HSD11B2: variants seen among roughly 807,000 people sequenced by gnomAD.
The protein encoded by HSD11B2 is hydroxysteroid 11-beta dehydrogenase 2.
A neutral mutation model predicts 20.9 loss-of-function variants in HSD11B2; 17 were observed. The ratio of observed to expected loss-of-function variants is 0.81; its 90% confidence interval spans 0.56 to 1.22. HSD11B2 has a LOEUF of 1.22. Ranked by LOEUF, HSD11B2 falls within the 50% of genes most tolerant of loss-of-function variation. The pLI is 0.00. For missense variants in HSD11B2, 480 were observed against 563.6 expected (o/e 0.85, Z 1.50); for synonymous variants, 253 against 255.4 (o/e 0.99, Z 0.09).
chr16:67,435,611 T>G lies in HSD11B2; in HGVS notation c.266-17T>G. The G allele has an allele frequency of 1.2e-6, 2 of 1,606,062 alleles. No homozygotes were observed. The highest frequency in any genetic ancestry group is 8.5e-7 in the Non-Finnish European group (1 of 1,174,076). ...TGGGCCACAGTGGAAGTTCACTGAC[T>G]GCCCTGGCCTGGCCAGGCTGTGACT... is the stretch of plus-strand genomic sequence containing the variant. On this transcript the variant is annotated splice_polypyrimidine_tract_variant and intron_variant, in intron 1 of 4. Transcript: ENST00000326152.
chr16:67,436,561 ACT>A lies in HSD11B2; in HGVS notation c.803-24_803-23del. The A allele has an allele frequency of 6.2e-7, 1 of 1,613,554 alleles. No homozygotes were observed. The highest frequency in any genetic ancestry group is 1.3e-5 in the African/African-American group (1 of 74,990). ...GGCTTTGGCTCCCCTAGCTGATCCC[ACT>A]CTGACCTTGCCACTCCTTCCCCAGA... On this transcript the variant is annotated intron_variant, in intron 4 of 4. Coordinates refer to ENST00000326152, the MANE Select transcript of HSD11B2 (RefSeq NM_000196.4). The surrounding 1 kb of genome is among the most constrained non-coding windows in gnomAD (Gnocchi z 5.7).
rs2040979632 is a variant in HSD11B2, at chr16:67,436,829, C to T, written c.1044C>T (p.Tyr348=). 1 of 1,613,762 alleles carries T rather than the reference C, an allele frequency of 6.2e-7. No individual in the cohort carries two copies. Among genetic ancestry groups the T allele is most frequent in the South Asian group, 1.1e-5 (1 of 91,088 alleles). Residue 348 remains tyrosine (Y), a synonymous_variant, in exon 5 of 5, where the codon TAC becomes TAT. Transcript: ENST00000326152. This position sits in a 1 kb window ranked among gnomAD's most constrained non-coding sequence, Gnocchi z 5.7. ...YYPGQGLGLM[Y]FIHYYLPEGL... is the part of the protein sequence containing the mutation. ...CCGGCCAGGGCCTGGGGCTCATGTACTTCATCCACTACTACCTGCCTGAAG... is the reference window on the plus strand; with the variant it reads ...CCGGCCAGGGCCTGGGGCTCATGTATTTCATCCACTACTACCTGCCTGAAG...
intron 1 of HSD11B2, among the ~76,000 whole-genome samples, chr16:67,434,648 C>T (rs1254147800): frequency 6.6e-6 from 1 of 152,058 alleles, no homozygotes; most frequent in Non-Finnish European, 1.5e-5. Context: ...TTTGAGAGGC[C>T]AAGGTGGGAG....
In HSD11B2 at chr16:67,436,517, G is replaced by T. The variant is rs560593769; in HGVS notation, c.803-71G>T. 6.3e-7 allele frequency: 1 copy of T among 1,587,710 alleles called. No individual in the cohort carries two copies. The highest frequency in any genetic ancestry group is 2.3e-5 in the East Asian group (1 of 43,690). On this transcript the variant is annotated intron_variant, in intron 4 of 4. Coordinates refer to ENST00000326152, the MANE Select transcript of HSD11B2 (RefSeq NM_000196.4). The surrounding 1 kb of genome is among the most constrained non-coding windows in gnomAD (Gnocchi z 5.7). The stretch of plus-strand genomic sequence containing the variant: ...GTAGTTTTGGCTGCAGACCTGGCGC[G>T]GGTTAAACAGTCCTAATTGGCTTTG...
chr16:67,436,187 G>T lies in HSD11B2; in HGVS notation c.664+45G>T, dbSNP rs553270183. 4.3e-6 allele frequency: 7 copies of T among 1,613,540 alleles called. No homozygotes were observed. The highest frequency in any genetic ancestry group is 1.7e-5 in the Admixed American group (1 of 60,010). On this transcript the variant is annotated intron_variant, in intron 3 of 4. Coordinates refer to ENST00000326152, the MANE Select transcript of HSD11B2 (RefSeq NM_000196.4). This position sits in a 1 kb window ranked among gnomAD's most constrained non-coding sequence, Gnocchi z 5.7. ...GGAGCAAAAAGGAGCCCCCTGGGGT[G>T]GGGGAGGGCTTAGGGAGCCCCTTGC...
chr16:67,432,264 G>T (rs980551831), intron 1 of HSD11B2, among the ~76,000 whole-genome samples: 5 of 152,204 alleles, frequency 3.3e-5, no homozygotes, highest in South Asian at 4.1e-4. Context: ...GGGGAAGGGG[G>T]GGGGGGGCTG....
upstream of HSD11B2, chr16:67,430,771 C>G (rs1486463492): frequency 6.6e-6 from 1 of 152,406 alleles, no homozygotes; most frequent in Non-Finnish European, 1.5e-5. This position sits in a 1 kb window ranked among gnomAD's most constrained non-coding sequence, Gnocchi z 5.4. Context: ...TCAGGTGTCC[C>G]GAACAAGCGT....
Position 67,437,210 on chromosome 16 carries a change from G to C in HSD11B2, c.*207G>C, listed in dbSNP as rs1247755998. 3 of 609,602 alleles carry C rather than the reference G, an allele frequency of 4.9e-6. No homozygotes were observed. The highest frequency in any genetic ancestry group is 8.7e-6 in the Non-Finnish European group (3 of 345,224). The allele number at this position is 609,602 out of a possible 1,614,324, so 37.8% of individuals were successfully genotyped here. A position where few individuals can be genotyped will look rare whatever the true frequency, so the allele number is the denominator to read the frequency against. On this transcript the variant is annotated 3_prime_UTR_variant, in exon 5 of 5. Coordinates refer to ENST00000326152, the MANE Select transcript of HSD11B2 (RefSeq NM_000196.4). ...CAGTGAGCCTCTGCGCCTCTCCACT[G>C]TTTCATGAGCCCAAACACCCTCCTG...
upstream of HSD11B2, among the ~76,000 whole-genome samples, chr16:67,430,047 A>G (rs1439069710): frequency 1.3e-5 from 2 of 151,294 alleles, no homozygotes; most frequent in Admixed American, 1.3e-4. The surrounding 1 kb of genome is among the most constrained non-coding windows in gnomAD (Gnocchi z 5.4). Context: ...TGCTCTCAGC[A>G]TCAAGCCTGC....
rs771677502 is a variant in HSD11B2 at position 67,436,048 on chromosome 16, G to A, written c.570G>A (p.Glu190=). The part of the protein sequence containing the change: ...SPVATFRSCM[E]VNFFGALELT... ...TGGCCACTTTCCGTAGCTGCATGGA[G>A]GTGAATTTCTTTGGCGCGCTCGAGC... The change falls in exon 3 of 5, where the codon GAG becomes GAA. Residue 190 remains glutamate, a synonymous_variant. Transcript: ENST00000326152. This position sits in a 1 kb window ranked among gnomAD's most constrained non-coding sequence, Gnocchi z 5.7. 1.9e-6 allele frequency: 3 copies of A among 1,614,246 alleles called. No individual in the cohort carries two copies. Among genetic ancestry groups the A allele is most frequent in the Non-Finnish European group, 2.5e-6 (3 of 1,180,044 alleles).
At chr16:67,434,196 CTCTTCT>C (rs1240084735) in intron 1 of HSD11B2, among the ~76,000 whole-genome samples, 16 of 152,220 alleles carry the variant, frequency 1.1e-4, no homozygotes, top group African/African-American at 3.1e-4. Context: ...TAGGTCTGTT[CTCTTCT>C]TCATCTATCA....
Position 67,437,039 on chromosome 16 carries a change from G to A in HSD11B2, c.*36G>A. 1 of 1,598,012 alleles carries A rather than the reference G, an allele frequency of 6.3e-7. No individual in the cohort carries two copies. The highest frequency in any genetic ancestry group is 8.5e-7 in the Non-Finnish European group (1 of 1,176,216). ...CCTATGGCCCAGCCACTGCAGCACA[G>A]GAGGCTCCGTGAGCCCTTGGTTCCT... On this transcript the variant is annotated 3_prime_UTR_variant, in exon 5 of 5. Coordinates refer to ENST00000326152, the MANE Select transcript of HSD11B2 (RefSeq NM_000196.4).
At chr16:67,435,537 C>A in intron 1 of HSD11B2, 91 bp from the exon 2 acceptor site, 1 of 1,038,362 alleles carries the variant, frequency 9.6e-7, no homozygotes, top group Non-Finnish European at 1.5e-6. Context: ...TTGCAGGGGC[C>A]TGGATCCCAT....
rs1249341438 is a variant in HSD11B2 at position 67,436,881 on chromosome 16, T to G, written c.1096T>G (p.Phe366Val). Residue 366 changes from phenylalanine (F) to valine (V), a missense_variant, in exon 5 of 5, where the codon TTC (phenylalanine) becomes GTC (valine). By Grantham distance (50) the Phe-to-Val change is conservative. Transcript: ENST00000326152. The surrounding 1 kb of genome is among the most constrained non-coding windows in gnomAD (Gnocchi z 5.7). ...EGLRRRFLQA[F>V]FISHCLPRAL... ...CCTGCGGCGCCGCTTCCTGCAGGCCTTCTTCATCAGTCACTGTCTGCCTCG... is the reference window on the plus strand; with the variant it reads ...CCTGCGGCGCCGCTTCCTGCAGGCCGTCTTCATCAGTCACTGTCTGCCTCG... 1.9e-6 allele frequency: 3 copies of G among 1,613,566 alleles called. No individual in the cohort carries two copies. Among genetic ancestry groups the G allele is most frequent in the East Asian group, 2.2e-5 (1 of 44,876 alleles).
Position 67,435,822 on chromosome 16 carries a change from G to A in HSD11B2, c.460G>A (p.Ala154Thr), listed in dbSNP as rs536708177. ...TAGCCGCGTGCTAGAGTTCACCAAG[G>A]CCCACACCACCAGCACCGGTCAGTG... Reference protein sequence around the residue: ...DISRVLEFTKAHTTSTGLWGL... With the variant: ...DISRVLEFTKTHTTSTGLWGL... Residue 154 changes from alanine to threonine, a missense_variant, in exon 2 of 5, where the codon GCC becomes ACC. Physicochemically the swap from Ala to Thr is moderately conservative, Grantham distance 58. Around this residue, in one of 2 missense-constraint regions of HSD11B2, gnomAD observed 374 missense variants for 480.9 expected, o/e 0.78. Transcript: ENST00000326152. 6.2e-7 allele frequency: 1 copy of A among 1,614,040 alleles called. No individual in the cohort carries two copies. Among genetic ancestry groups the A allele is most frequent in the East Asian group, 2.2e-5 (1 of 44,880 alleles).
chr16:67,431,521 C>T lies in HSD11B2; in HGVS notation c.265+8C>T. 2 of 1,371,876 alleles carry T rather than the reference C, an allele frequency of 1.5e-6. No individual in the cohort carries two copies. The highest frequency in any genetic ancestry group is 1.9e-6 in the Non-Finnish European group (2 of 1,062,046). 85.0% of individuals were successfully genotyped at this position (1,371,876 alleles called of 1,614,324 possible). A position where few individuals can be genotyped will look rare whatever the true frequency, so the allele number is the denominator to read the frequency against. ...GCGCGGTGCTCATCACCGGTGAGTG[C>T]GCGGGTCGCGGAGCGCGGGGACTCC... On this transcript the variant is annotated splice_region_variant and intron_variant, in intron 1 of 4. Coordinates refer to ENST00000326152, the MANE Select transcript of HSD11B2 (RefSeq NM_000196.4).
At chr16:67,431,016 G>A, upstream of HSD11B2, 1 of 218,112 alleles carries the variant, frequency 4.6e-6, no homozygotes, top group Non-Finnish European at 9.0e-6. Flanking sequence ...CCTGCGGGGG[G>A]TGCCGGGAGA....
Position 67,436,489 on chromosome 16 carries a change from GGTGTA to G in HSD11B2, c.803-96_803-92del. On this transcript the variant is annotated intron_variant, in intron 4 of 4. Transcript: ENST00000326152. The surrounding 1 kb of genome is among the most constrained non-coding windows in gnomAD (Gnocchi z 5.7). ...ATGAATGGTCATGGTTTTGGTTGGG[GGTGTA>G]GTTTTGGCTGCAGACCTGGCGCGGG... The G allele has an allele frequency of 7.8e-6, 12 of 1,547,242 alleles. No individual in the cohort carries two copies. The Middle Eastern group carries it at 1.1e-3, about 139-fold the overall frequency.
In HSD11B2 at chr16:67,431,323, C is replaced by G; in HGVS notation, c.75C>G (p.Arg25=). The G allele has an allele frequency of 7.9e-7, 1 of 1,258,690 alleles. No individual in the cohort carries two copies. Among genetic ancestry groups the G allele is most frequent in the Non-Finnish European group, 1.0e-6 (1 of 991,594 alleles). The allele number at this position is 1,258,690 out of a possible 1,614,324, so 78.0% of individuals were successfully genotyped here. A position where few individuals can be genotyped will look rare whatever the true frequency, so the allele number is the denominator to read the frequency against. ...CCCGCGCGCTGCTGCAGCTGCTGCGCTCAGACCTGCGTCTGGGCCGCCCGC... is the reference window on the plus strand; with the variant it reads ...CCCGCGCGCTGCTGCAGCTGCTGCGGTCAGACCTGCGTCTGGGCCGCCCGC... The part of the protein sequence containing the change: ...VAARALLQLL[R]SDLRLGRPLL... The change falls in exon 1 of 5, where the codon CGC becomes CGG. Residue 25 remains arginine (R), a synonymous_variant. Transcript: ENST00000326152.
Sources: allele counts gnomAD v4.1 joint callset (sites outside exome capture counted in the v4.1 genomes callset), GRCh38; gene constraint gnomAD v4.1.1; regional missense constraint gnomAD v4.1.1; non-coding constraint Gnocchi (gnomAD v3.1); transcripts MANE v1.5; gene names NCBI Gene and HGNC (gene_info 2026-07-23, HGNC 2026-07-21).